ANOS1: variants seen among roughly 807,000 people sequenced by gnomAD.
ANOS1 encodes anosmin 1.
ANOS1 carries 6 observed loss-of-function variants against 59.0 expected under a neutral mutation model. The ratio of observed to expected loss-of-function variants is 0.10; its 90% CI spans 0.06 to 0.20. The LOEUF is 0.20. Among genes scored for constraint, ANOS1 ranks in the 10% least tolerant of loss-of-function variants. ANOS1 has a pLI of 1.00. For missense variants in ANOS1, 433 were observed against 542.3 expected (o/e 0.80, Z 2.00); for synonymous variants, 217 against 223.4 (o/e 0.97, Z 0.25).
chrX:8,576,959 G>A (rs1229638777), intron 6 of ANOS1, among the ~76,000 whole-genome samples: 1 of 110,490 alleles, frequency 9.1e-6, no homozygotes, highest in Non-Finnish European at 1.9e-5. Context: ...CGGACCATAT[G>A]GTCTCCGTTA....
intron 3 of ANOS1, among the ~76,000 whole-genome samples, chrX:8,600,701 G>A (rs1930825683): frequency 8.9e-6 from 1 of 112,165 alleles, no homozygotes; most frequent in Middle Eastern, 4.4e-3. Context: ...TTACTTCATT[G>A]AGTTTTGAAG....
intron 6 of ANOS1, among the ~76,000 whole-genome samples, chrX:8,577,469 C>T (rs1295376733): frequency 1.1e-4 from 12 of 112,003 alleles, no homozygotes; most frequent in African/African-American, 3.2e-4. Context: ...CAGAAACACA[C>T]TGCAGAGAGC....
At chrX:8,706,742 G>A (rs1057023421) in intron 1 of ANOS1, among the ~76,000 whole-genome samples, 8 of 111,769 alleles carry the variant, frequency 7.2e-5, no homozygotes, top group South Asian at 3.7e-4. Flanking sequence ...AGGTTCAGGA[G>A]GAGGGCTTTC....
chrX:8,589,125 T>C (rs1930571790), intron 4 of ANOS1, among the ~76,000 whole-genome samples: 2 of 112,787 alleles, frequency 1.8e-5, no homozygotes, highest in Admixed American at 1.9e-4. Context: ...TCTTAATTCA[T>C]GGTAAGTCTT....
chrX:8,718,370 C>A (rs1015388428), intron 1 of ANOS1, among the ~76,000 whole-genome samples: 1 of 111,341 alleles, frequency 9.0e-6, no homozygotes, highest in Admixed American at 9.5e-5. Flanking sequence ...CCCCAAATAG[C>A]TTTAGTAGCC....
chrX:8,602,413 A>G (rs1179758227), intron 3 of ANOS1, among the ~76,000 whole-genome samples: 2 of 111,930 alleles, frequency 1.8e-5, no homozygotes, highest in African/African-American at 6.5e-5. Context: ...TGAGTGTCAC[A>G]AAAGTATAAT....
intron 2 of ANOS1, among the ~76,000 whole-genome samples, chrX:8,659,626 CTTCCTTCT>C (rs1472250148): frequency 4.5e-5 from 2 of 44,830 alleles, no homozygotes; most frequent in Non-Finnish European, 4.0e-5. Flanking sequence ...TCCTTCCTTC[CTTCCTTCT>C]TTCTTTTCTC....
intron 2 of ANOS1, among the ~76,000 whole-genome samples, chrX:8,682,783 A>G (rs1235792751): frequency 1.8e-5 from 2 of 111,788 alleles, no homozygotes; most frequent in Non-Finnish European, 3.8e-5. Flanking sequence ...CTAATGAGAA[A>G]GAAAAAAATG....
intron 11 of ANOS1, 39 bp from the exon 12 acceptor site, chrX:8,535,850 T>G (rs1456559111): frequency 2.8e-6 from 3 of 1,088,450 alleles, no homozygotes. Flanking sequence ...ATTAGGCGAC[T>G]GGAGAAGGTG....
intron 2 of ANOS1, among the ~76,000 whole-genome samples, chrX:8,694,234 G>T (rs1221451185): frequency 8.9e-6 from 1 of 111,746 alleles, no homozygotes; most frequent in African/African-American, 3.2e-5. Flanking sequence ...TGCATTTAAA[G>T]AAAATGTTAA....
intron 2 of ANOS1, among the ~76,000 whole-genome samples, chrX:8,664,428 C>A (rs931934508): frequency 1.8e-5 from 2 of 110,337 alleles, no homozygotes; most frequent in Admixed American, 1.9e-4. Flanking sequence ...CTCCTGACCT[C>A]GTGATCCGCC....
rs1053790871 is a variant in ANOS1 at position 8,639,559 on chromosome X, G to A, written c.256-15889C>T. ...TTATTTCTAATGTCACTGAATGTAC[G>A]TTTATAATTTACAGAATGCTTCTCT... On this transcript the variant is annotated intron_variant, in intron 2 of 13. Coordinates refer to ENST00000262648, the MANE Select transcript of ANOS1 (RefSeq NM_000216.4). 2.7e-5 allele frequency among the ~76,000 whole-genome samples: 3 copies of A among 111,726 alleles called. No homozygotes were observed. In the East Asian group the frequency reaches 8.5e-4, roughly 32 times the overall value.
intron 8 of ANOS1, among the ~76,000 whole-genome samples, chrX:8,562,832 A>C (rs1171792170): frequency 8.9e-6 from 1 of 112,557 alleles, no homozygotes. Flanking sequence ...ACTTGAATAG[A>C]AATGTTTATC....
intron 2 of ANOS1, among the ~76,000 whole-genome samples, chrX:8,697,855 G>GTTTTC (rs1932706727): frequency 9.0e-6 from 1 of 111,573 alleles, no homozygotes; most frequent in Admixed American, 9.6e-5. Flanking sequence ...ATATGCACAT[G>GTTTTC]CCTGAATTTT....
rs1929495991 is a variant in ANOS1 at position 8,531,451 on chromosome X, T to C, written c.*1544A>G. 2 of 111,466 alleles carry C rather than the reference T, an allele frequency of 1.8e-5. No homozygotes were observed. Among genetic ancestry groups the C allele is most frequent in the South Asian group, 7.5e-4 (2 of 2,657 alleles). The allele number at this position is 111,466 out of a possible 1,213,427, so 9.2% of individuals were successfully genotyped here. A position where few individuals can be genotyped will look rare whatever the true frequency, so the allele number is the denominator to read the frequency against. ...TACCATTGTCAAAACCTAAGGATAATGTTACTGATTTTCTTCCTGTTTTAC... is the reference window on the plus strand; with the variant it reads ...TACCATTGTCAAAACCTAAGGATAACGTTACTGATTTTCTTCCTGTTTTAC... On this transcript the variant is annotated 3_prime_UTR_variant, in exon 14 of 14. Coordinates refer to ENST00000262648, the MANE Select transcript of ANOS1 (RefSeq NM_000216.4).
chrX:8,722,159 T>A (rs1004983134), intron 1 of ANOS1, among the ~76,000 whole-genome samples: 1 of 112,358 alleles, frequency 8.9e-6, no homozygotes, highest in Non-Finnish European at 1.9e-5. Context: ...AACAATCCAC[T>A]GATATTAGCT....
In ANOS1 at chrX:8,670,972, C is replaced by T. The variant is rs189267169; in HGVS notation, c.255+28726G>A. On this transcript the variant is annotated intron_variant, in intron 2 of 13. Transcript: ENST00000262648. ...CTCCCATCTCCCGAAATCCATCCGC[C>T]TCACCCTGCCTTCACTGCAGCCTCA... 2.4e-4 allele frequency among the ~76,000 whole-genome samples: 27 copies of T among 111,212 alleles called. No homozygotes were observed. In the East Asian group the frequency reaches 7.7e-3, roughly 32 times the overall value.
intron 8 of ANOS1, among the ~76,000 whole-genome samples, chrX:8,562,033 C>T (rs933620851): frequency 9.1e-6 from 1 of 110,422 alleles, no homozygotes; most frequent in Non-Finnish European, 1.9e-5. Flanking sequence ...CTCCGCCTCC[C>T]GGGTTCAAGC....
chrX:8,610,973 T>C (rs1398203842), intron 3 of ANOS1, among the ~76,000 whole-genome samples: 1 of 109,896 alleles, frequency 9.1e-6, no homozygotes, highest in African/African-American at 3.3e-5. Context: ...GCACATAAAA[T>C]GGGAAAAAAG....
Sources: gnomAD v4.1 joint callset for allele counts (sites outside exome capture counted in the v4.1 genomes callset) on GRCh38, gnomAD v4.1.1 for gene constraint, MANE v1.5 for transcripts, NCBI Gene and HGNC (gene_info 2026-07-23, HGNC 2026-07-21) for gene names.